Variants in HACE1 observed in about 807,000 individuals in gnomAD.
HACE1 encodes the protein E3 ubiquitin-protein ligase HACE1.
HACE1 carries 73 observed loss-of-function variants against 118.4 expected under a neutral mutation model. The ratio of observed to expected loss-of-function variants is 0.62; its 90% CI spans 0.51 to 0.75. The LOEUF is 0.75. Among genes scored for constraint, HACE1 ranks in the 30% least tolerant of loss-of-function variants. The pLI is 0.00. For missense variants in HACE1, 749 were observed against 1,102.2 expected (o/e 0.68, Z 4.54); for synonymous variants, 368 against 374.8 (o/e 0.98, Z 0.21).
intron 22 of HACE1, among the ~76,000 whole-genome samples, chr6:104,739,188 A>C (rs568204935): frequency 6.6e-6 from 1 of 152,304 alleles, no homozygotes; most frequent in Admixed American, 6.5e-5. Context: ...GAAAGGAACA[A>C]CTGGTACCAG....
chr6:104,739,555 C>T (rs1776378833), intron 22 of HACE1, among the ~76,000 whole-genome samples: 1 of 151,966 alleles, frequency 6.6e-6, no homozygotes. Context: ...CAACAAAGAT[C>T]AAAAGAGACA....
chr6:104,851,346 T>G (rs1451352970), intron 2 of HACE1, among the ~76,000 whole-genome samples: 2 of 152,206 alleles, frequency 1.3e-5, no homozygotes, highest in Non-Finnish European at 2.9e-5. Context: ...CCTCCCGAAG[T>G]GCTGGGATTA....
chr6:104,767,088 A>C (rs9377673), intron 19 of HACE1, among the ~76,000 whole-genome samples: 1 of 152,356 alleles, frequency 6.6e-6, no homozygotes, highest in East Asian at 1.9e-4. Flanking sequence ...TTCCACACTA[A>C]ATAAAGAGAA....
chr6:104,745,836 A>T (rs925363207), intron 20 of HACE1, among the ~76,000 whole-genome samples: 3 of 151,946 alleles, frequency 2.0e-5, no homozygotes, highest in African/African-American at 4.8e-5. Context: ...TTGTACCTTA[A>T]ATAAGATTGA....
intron 6 of HACE1, among the ~76,000 whole-genome samples, chr6:104,825,934 ATG>A (rs1156393876): frequency 3.3e-5 from 5 of 152,108 alleles, no homozygotes; most frequent in African/African-American, 1.2e-4. Context: ...CCTCTAGATA[ATG>A]TGTTATGCAC....
At chr6:104,812,032 C>T (rs911187710) in intron 6 of HACE1, among the ~76,000 whole-genome samples, 1 of 151,978 alleles carries the variant, frequency 6.6e-6, no homozygotes, top group Admixed American at 6.6e-5. Flanking sequence ...AATCATTTGA[C>T]TCATACTAAG....
chr6:104,802,612 C>T (rs1770504402), intron 7 of HACE1, among the ~76,000 whole-genome samples: 1 of 152,182 alleles, frequency 6.6e-6, no homozygotes, highest in Non-Finnish European at 1.5e-5. Context: ...TCCTGAATGA[C>T]TATTGGGTAA....
chr6:104,848,008 T>C (rs1484758756), intron 4 of HACE1, among the ~76,000 whole-genome samples: 1 of 151,762 alleles, frequency 6.6e-6, no homozygotes, highest in Non-Finnish European at 1.5e-5. Flanking sequence ...TGTGCCACCA[T>C]GCCTGGATTA....
At chr6:104,819,156 A>G (rs1394281592) in intron 6 of HACE1, among the ~76,000 whole-genome samples, 1 of 152,276 alleles carries the variant, frequency 6.6e-6, no homozygotes, top group Non-Finnish European at 1.5e-5. Flanking sequence ...GTCTCAGCCC[A>G]AAAGCTTCTT....
chr6:104,761,971 G>C (rs1017446502), intron 19 of HACE1, among the ~76,000 whole-genome samples: 1 of 152,190 alleles, frequency 6.6e-6, no homozygotes, highest in African/African-American at 2.4e-5. Flanking sequence ...CTGGTCATTA[G>C]AGAAATGCAA....
rs1775945781 is a variant in HACE1, at chr6:104,849,264, G to A, written c.222-18C>T. 1.4e-6 allele frequency: 2 copies of A among 1,401,748 alleles called. No individual in the cohort carries two copies. The highest frequency in any genetic ancestry group is 1.4e-5 in the African/African-American group (1 of 70,948). 86.8% of individuals were successfully genotyped at this position (1,401,748 alleles called of 1,614,324 possible). ...ATCCACAACTAAAACAATATTAAAA[G>A]ACAGTTCAGATACATTCAACATACA... On this transcript the variant is annotated intron_variant, in intron 3 of 23. Transcript: ENST00000262903.
intron 20 of HACE1, 39 bp from the exon 21 acceptor site, chr6:104,744,649 A>C (rs1562275127): frequency 1.0e-5 from 12 of 1,171,040 alleles, no homozygotes; most frequent in Non-Finnish European, 1.3e-5. Flanking sequence ...AATTTTCTTT[A>C]GGGAAAAAAG....
rs553706238 is a variant in HACE1, at chr6:104,736,975, T to TA, written c.2514-6560dup. ...CAATGATTAAACACTACTTTTAAAA[T>TA]AAAAAACACAGTTTTTAAAAATTAT... is the stretch of plus-strand genomic sequence containing the variant. On this transcript the variant is annotated intron_variant, in intron 22 of 23. Coordinates refer to ENST00000262903, the MANE Select transcript of HACE1 (RefSeq NM_020771.4). Among the ~76,000 whole-genome samples the TA allele has an allele frequency of 2.9e-3, 447 of 152,166 alleles. 13 individuals are homozygous for TA. Among genetic ancestry groups the TA allele is most frequent in the Admixed American group, 0.028 (431 of 15,276 alleles).
chr6:104,798,701 T>C (rs913993437), intron 7 of HACE1, among the ~76,000 whole-genome samples: 3 of 152,198 alleles, frequency 2.0e-5, no homozygotes, highest in East Asian at 1.9e-4. Context: ...CTAACAGTGG[T>C]TAATGTTTCA....
chr6:104,795,895 T>C (rs1438796592), intron 9 of HACE1, among the ~76,000 whole-genome samples: 1 of 152,166 alleles, frequency 6.6e-6, no homozygotes, highest in African/African-American at 2.4e-5. Flanking sequence ...AAAACAATAG[T>C]AAATATAGAT....
chr6:104,853,084 G>A (rs1451285575), intron 1 of HACE1, among the ~76,000 whole-genome samples: 1 of 152,134 alleles, frequency 6.6e-6, no homozygotes, highest in Non-Finnish European at 1.5e-5. Context: ...GGAGGCAATT[G>A]AGCCATGAGG....
At chr6:104,855,299 C>T (rs1295609626) in intron 1 of HACE1, among the ~76,000 whole-genome samples, 1 of 151,804 alleles carries the variant, frequency 6.6e-6, no homozygotes, top group Non-Finnish European at 1.5e-5. Flanking sequence ...AAAAATTAGC[C>T]GGGTATGGTG....
At chr6:104,848,824 G>A (rs1463998268) in intron 4 of HACE1, among the ~76,000 whole-genome samples, 5 of 152,010 alleles carry the variant, frequency 3.3e-5, no homozygotes, top group Non-Finnish European at 7.4e-5. Context: ...AAAATACAAT[G>A]TCACTATAAT....
At chr6:104,795,994 A>G (rs1769579314) in intron 9 of HACE1, among the ~76,000 whole-genome samples, 3 of 152,242 alleles carry the variant, frequency 2.0e-5, no homozygotes. Flanking sequence ...AATTTTTCTA[A>G]GACTAAAACT....
Sources: allele counts gnomAD v4.1 joint callset (sites outside exome capture counted in the v4.1 genomes callset), GRCh38; gene constraint gnomAD v4.1.1; transcripts MANE v1.5; gene names NCBI Gene and HGNC (gene_info 2026-07-23, HGNC 2026-07-21).